Variants in ADAM10 observed in about 807,000 individuals in gnomAD.
The protein encoded by ADAM10 is ADAM metallopeptidase domain 10, also known as disintegrin and metalloproteinase domain-containing protein 10.
A neutral mutation model predicts 90.1 loss-of-function variants in ADAM10; 17 were observed. That is an observed-to-expected ratio of 0.19 (90% CI 0.13 to 0.28). The LOEUF is 0.28. Ranked by LOEUF, ADAM10 falls within the 10% of genes least tolerant of loss-of-function variation. ADAM10 has a pLI of 1.00. For synonymous variants in ADAM10, 310 were observed against 298.6 expected (o/e 1.04, Z -0.40); for missense variants, 610 against 914.3 (o/e 0.67, Z 4.29).
intron 14 of ADAM10, chr15:58,609,422 T>A (rs1039049917): frequency 6.6e-6 from 1 of 152,098 alleles, no homozygotes; most frequent in Non-Finnish European, 1.5e-5. Context: ...AAATTTTTAC[T>A]CTAGAATGTT....
intron 9 of ADAM10, 124 bp from the exon 10 acceptor site, chr15:58,628,007 T>A (rs1395518898): frequency 4.1e-6 from 4 of 971,084 alleles, no homozygotes; most frequent in Non-Finnish European, 6.2e-6. Flanking sequence ...TTAAAAAGGA[T>A]CTTACAATTG....
intron 4 of ADAM10, among the ~76,000 whole-genome samples, chr15:58,672,130 G>A (rs1438381240): frequency 6.6e-6 from 1 of 152,168 alleles, no homozygotes; most frequent in African/African-American, 2.4e-5. Context: ...TTGTTAGGGT[G>A]ACTTTCAAAG....
intron 1 of ADAM10, among the ~76,000 whole-genome samples, chr15:58,741,282 T>C (rs1595672287): frequency 6.6e-6 from 1 of 152,102 alleles, no homozygotes; most frequent in African/African-American, 2.4e-5. Flanking sequence ...AAATCAAGAG[T>C]GTCAATCATA....
intron 4 of ADAM10, among the ~76,000 whole-genome samples, chr15:58,672,077 T>C (rs1467430608): frequency 7.3e-6 from 1 of 136,220 alleles, no homozygotes; most frequent in South Asian, 2.3e-4. Context: ...AAATAAAAGA[T>C]AGTTCTCAAA....
At chr15:58,653,783 T>C (rs1286003562) in intron 5 of ADAM10, among the ~76,000 whole-genome samples, 6 of 152,142 alleles carry the variant, frequency 3.9e-5, no homozygotes, top group African/African-American at 1.4e-4. Flanking sequence ...TTCAGTACAA[T>C]TGGTATTAGT....
chr15:58,739,490 C>T (rs560065051), intron 1 of ADAM10, among the ~76,000 whole-genome samples: 1 of 151,752 alleles, frequency 6.6e-6, no homozygotes, highest in African/African-American at 2.4e-5. Context: ...GCACTCCAGC[C>T]GGGGTGACAG....
At chr15:58,672,873 A>G in intron 4 of ADAM10, 1 of 159,310 alleles carries the variant, frequency 6.3e-6, no homozygotes, top group Non-Finnish European at 1.4e-5. Context: ...TAAGAAGGAA[A>G]AGGAGGAAGA....
intron 14 of ADAM10, among the ~76,000 whole-genome samples, chr15:58,608,954 G>A (rs1159451463): frequency 6.6e-6 from 1 of 152,114 alleles, no homozygotes; most frequent in South Asian, 2.1e-4. Context: ...TGTATACACT[G>A]TCTTCTACAG....
chr15:58,734,530 T>A (rs1206755843), intron 1 of ADAM10, among the ~76,000 whole-genome samples: 1 of 152,032 alleles, frequency 6.6e-6, no homozygotes, highest in Non-Finnish European at 1.5e-5. Flanking sequence ...CAAAACGCCA[T>A]CTCTACAACA....
At chr15:58,709,164 T>C (rs754755419) in intron 2 of ADAM10, among the ~76,000 whole-genome samples, 4 of 152,162 alleles carry the variant, frequency 2.6e-5, no homozygotes, top group Non-Finnish European at 5.9e-5. Context: ...AAAGAACCTT[T>C]AGTCACATAA....
At chr15:58,684,749 G>T (rs1897540470) in intron 2 of ADAM10, among the ~76,000 whole-genome samples, 1 of 152,240 alleles carries the variant, frequency 6.6e-6, no homozygotes, top group Non-Finnish European at 1.5e-5. Flanking sequence ...GGAGGAGGTT[G>T]AGGGAACCCC....
chr15:58,735,491 C>T (rs188883563), intron 1 of ADAM10, among the ~76,000 whole-genome samples: 7 of 152,186 alleles, frequency 4.6e-5, no homozygotes, highest in African/African-American at 9.7e-5. Context: ...AAATCCCTGA[C>T]AAAATGACGC....
At chr15:58,624,460 T>C (rs1469291136) in intron 10 of ADAM10, among the ~76,000 whole-genome samples, 1 of 152,234 alleles carries the variant, frequency 6.6e-6, no homozygotes, top group African/African-American at 2.4e-5. Context: ...TTACTACATA[T>C]TAATTTTTAT....
chr15:58,603,955 T>C (rs1249256204), intron 14 of ADAM10, among the ~76,000 whole-genome samples: 1 of 151,738 alleles, frequency 6.6e-6, no homozygotes. Flanking sequence ...ATCAAACTTT[T>C]CAAAAGAAAA....
At position 58,689,951 on chromosome 15, in the gene ADAM10, C is replaced by T. The variant is rs1329151602; in HGVS notation, c.207-7637G>A. On this transcript the variant is annotated intron_variant, in intron 2 of 15. Transcript: ENST00000260408. Reference sequence around the variant, plus strand: ...TTCCAAAACCAAAGACAGACCCCCCCCAAAAAAAAAAAAAAAAGACTGATA... The same window carrying T: ...TTCCAAAACCAAAGACAGACCCCCCTCAAAAAAAAAAAAAAAAGACTGATA... Among the ~76,000 whole-genome samples the T allele has an allele frequency of 1.5e-4, 19 of 129,382 alleles. 1 individual carries two copies. Among genetic ancestry groups the T allele is most frequent in the African/African-American group, 5.2e-4 (18 of 34,316 alleles). The allele number at this position is 129,382 out of a possible 152,430, so 84.9% of individuals were successfully genotyped here. A position where few individuals can be genotyped will look rare whatever the true frequency, so the allele number is the denominator to read the frequency against.
chr15:58,662,289 T>G (rs1368927324), intron 5 of ADAM10, among the ~76,000 whole-genome samples: 2 of 152,236 alleles, frequency 1.3e-5, no homozygotes, highest in Admixed American at 6.5e-5. Context: ...GCTTCTACTC[T>G]AGGGCTAGGT....
chr15:58,716,167 G>T (rs1329702900), intron 2 of ADAM10, among the ~76,000 whole-genome samples: 2 of 152,016 alleles, frequency 1.3e-5, no homozygotes, highest in East Asian at 3.8e-4. Flanking sequence ...TTATTTTCAT[G>T]TACAAAATAC....
chr15:58,637,830 C>T (rs1320605387), intron 8 of ADAM10, among the ~76,000 whole-genome samples: 2 of 151,844 alleles, frequency 1.3e-5, no homozygotes, highest in Admixed American at 6.6e-5. Context: ...AGGTTGGTCA[C>T]AAAGTTTCTG....
rs796456769 is a variant in ADAM10, at chr15:58,678,003, A to C, written c.484+1121T>G. On this transcript the variant is annotated intron_variant, in intron 4 of 15. Coordinates refer to ENST00000260408, the MANE Select transcript of ADAM10 (RefSeq NM_001110.4). ...TGTCAGCAGAAAGAAACGAAAGCAAAGGAATTCATATTCCTACTTATGAAG... is the reference window on the plus strand; with the variant it reads ...TGTCAGCAGAAAGAAACGAAAGCAACGGAATTCATATTCCTACTTATGAAG... Among the ~76,000 whole-genome samples, 5 of 152,302 alleles carry C rather than the reference A, an allele frequency of 3.3e-5. No homozygotes were observed. The East Asian group carries it at 5.8e-4, about 18-fold the overall frequency.
Sources: gnomAD v4.1 joint callset for allele counts (sites outside exome capture counted in the v4.1 genomes callset) on GRCh38, gnomAD v4.1.1 for gene constraint, MANE v1.5 for transcripts, NCBI Gene and HGNC (gene_info 2026-07-23, HGNC 2026-07-21) for gene names.